The following OCA2 variants were observed in gnomAD, a reference collection of about 807,000 sequenced individuals.
The protein encoded by OCA2 is OCA2 melanosomal transmembrane protein.
A neutral mutation model predicts 100.2 loss-of-function variants in OCA2; 77 were observed. That is an observed-to-expected ratio of 0.77 (90% CI 0.64 to 0.93). The LOEUF (loss-of-function observed/expected upper bound fraction) is 0.93, where lower values mean the gene tolerates loss of function less well. Among genes scored for constraint, OCA2 ranks in the 40% least tolerant of loss-of-function variants. The pLI, the probability that OCA2 is intolerant of heterozygous loss-of-function variation, is 0.00. For missense variants in OCA2, 1,062 were observed against 1,089.1 expected (o/e 0.98, Z 0.35); for synonymous variants, 432 against 439.2 (o/e 0.98, Z 0.21).
intron 15 of OCA2, 79 bp downstream of exon 15, chr15:27,966,611 T>C (rs564196363): frequency 1.6e-5 from 25 of 1,535,836 alleles, no homozygotes; most frequent in Non-Finnish European, 2.2e-5. Flanking sequence ...AGATACTTCC[T>C]AATAAGAACT....
chr15:28,041,012 A>C (rs1449281895), intron 2 of OCA2, among the ~76,000 whole-genome samples: 1 of 152,222 alleles, frequency 6.6e-6, no homozygotes, highest in Non-Finnish European at 1.5e-5. Flanking sequence ...CTATGAGGCC[A>C]GCATTACCCT....
chr15:27,827,945 C>G (rs1014022021), intron 23 of OCA2, among the ~76,000 whole-genome samples: 1 of 152,094 alleles, frequency 6.6e-6, no homozygotes, highest in Non-Finnish European at 1.5e-5. Flanking sequence ...ATAAGACGAT[C>G]TATAGCACAA....
intron 19 of OCA2, among the ~76,000 whole-genome samples, chr15:27,893,016 A>G (rs528059444): frequency 3.9e-5 from 6 of 152,374 alleles, no homozygotes; most frequent in African/African-American, 1.2e-4. Flanking sequence ...GATAAAATCT[A>G]TAATCTGAAT....
downstream of OCA2, among the ~76,000 whole-genome samples, chr15:27,754,040 G>A (rs182868978): frequency 1.1e-4 from 17 of 152,222 alleles, no homozygotes; most frequent in Admixed American, 3.9e-4. Flanking sequence ...CGGGCAGCAC[G>A]GGAGTGGCCA....
chr15:27,974,078 T>C (rs2040889996), intron 14 of OCA2, among the ~76,000 whole-genome samples: 1 of 152,180 alleles, frequency 6.6e-6, no homozygotes, highest in South Asian at 2.1e-4. Context: ...TCTAGGAGTC[T>C]TGGAGGAGTC....
rs1800416 is a variant in OCA2 at position 27,926,148 on chromosome 15, T to G, written c.2058A>C (p.Ala686=). ...RVEWATLLFF[A]ALFVLMEALA... is the part of the protein sequence containing the mutation. ...TTACCTCCATCAGAACAAAGAGCGCTGCAAAAAACAGAAGGGTTGCCCATT... is the reference window on the plus strand; with the variant it reads ...TTACCTCCATCAGAACAAAGAGCGCGGCAAAAAACAGAAGGGTTGCCCATT... The change falls in exon 19 of 24, where the codon GCA becomes GCC. Residue 686 remains alanine (A), a synonymous_variant. Transcript: ENST00000354638. 0.01 allele frequency: 16,805 copies of G among 1,614,022 alleles called. 1,439 individuals carry two copies. The African/African-American group carries it at 0.19, about 18-fold the overall frequency.
intron 18 of OCA2, among the ~76,000 whole-genome samples, chr15:27,947,237 C>T (rs757724836): frequency 2.2e-4 from 34 of 152,290 alleles, no homozygotes; most frequent in Middle Eastern, 6.8e-3. Flanking sequence ...CTCAAGAGGC[C>T]CAAGGGGAAA....
At chr15:27,805,228 G>A (rs559371017) in intron 23 of OCA2, among the ~76,000 whole-genome samples, 1 of 152,376 alleles carries the variant, frequency 6.6e-6, no homozygotes, top group East Asian at 1.9e-4. Flanking sequence ...GGTTTGATGG[G>A]AGACTCCATG....
intron 19 of OCA2, among the ~76,000 whole-genome samples, chr15:27,906,647 C>T (rs955926941): frequency 3.9e-5 from 6 of 151,934 alleles, no homozygotes; most frequent in Admixed American, 3.9e-4. Flanking sequence ...TCATCAAGGC[C>T]GCACGCAAAA....
At chr15:27,923,836 T>C (rs1486304459) in intron 19 of OCA2, among the ~76,000 whole-genome samples, 1 of 152,240 alleles carries the variant, frequency 6.6e-6, no homozygotes, top group East Asian at 1.9e-4. Flanking sequence ...TGATAGTTCC[T>C]TTTGCTGTGC....
chr15:27,728,201 T>C, the OCA2 span, among the ~76,000 whole-genome samples: 3 of 152,176 alleles, frequency 2.0e-5, no homozygotes, highest in Admixed American at 1.3e-4. Context: ...TGTGAAGCTG[T>C]GAATCCAAAG....
chr15:27,834,253 G>A (rs895580553), intron 23 of OCA2, among the ~76,000 whole-genome samples: 6 of 152,190 alleles, frequency 3.9e-5, no homozygotes, highest in African/African-American at 1.4e-4. Flanking sequence ...AACCCCCTAA[G>A]CAGTGGAGTT....
chr15:27,890,971 G>A (rs980524206), intron 19 of OCA2, among the ~76,000 whole-genome samples: 1 of 151,182 alleles, frequency 6.6e-6, no homozygotes, highest in Non-Finnish European at 1.5e-5. Context: ...GTGGCAGTGA[G>A]CCAAGATTGC....
intron 2 of OCA2, among the ~76,000 whole-genome samples, chr15:28,056,559 G>A (rs1010006646): frequency 2.6e-5 from 4 of 152,258 alleles, no homozygotes; most frequent in African/African-American, 9.6e-5. Flanking sequence ...CCTTTGGGGT[G>A]ACGTGGGGGC....
chr15:27,990,674 C>T (rs1402140353), intron 9 of OCA2, 27 bp from the exon 10 acceptor site: 20 of 1,603,142 alleles, frequency 1.2e-5, no homozygotes, highest in African/African-American at 2.7e-5. Flanking sequence ...GAAATTACCG[C>T]GTTCCAGTGC....
chr15:28,040,697 C>T (rs2043176830), intron 2 of OCA2, among the ~76,000 whole-genome samples: 1 of 152,032 alleles, frequency 6.6e-6, no homozygotes. Context: ...TAAGAAAATA[C>T]TATGAACAAC....
At chr15:27,778,715 A>C (rs2032380434) in intron 23 of OCA2, among the ~76,000 whole-genome samples, 1 of 152,340 alleles carries the variant, frequency 6.6e-6, no homozygotes, top group East Asian at 1.9e-4. Flanking sequence ...CACAGAGGAA[A>C]AAGGAAACTA....
intron 23 of OCA2, among the ~76,000 whole-genome samples, chr15:27,816,313 T>C (rs539347245): frequency 3.3e-5 from 5 of 152,250 alleles, no homozygotes; most frequent in Non-Finnish European, 7.4e-5. Flanking sequence ...CGCAGAATCA[T>C]CGGGAAGTGT....
At chr15:28,013,096 A>T (rs1463619219) in intron 9 of OCA2, among the ~76,000 whole-genome samples, 1 of 152,178 alleles carries the variant, frequency 6.6e-6, no homozygotes, top group Non-Finnish European at 1.5e-5. Context: ...CACCCCTGAC[A>T]GCAGGACATC....
Sources: gnomAD v4.1 joint callset for allele counts (sites outside exome capture counted in the v4.1 genomes callset) on GRCh38, gnomAD v4.1.1 for gene constraint, MANE v1.5 for transcripts, NCBI Gene and HGNC (gene_info 2026-07-23, HGNC 2026-07-21) for gene names.